COL22A1: variants seen among roughly 807,000 people sequenced by gnomAD.
COL22A1 encodes the protein collagen alpha-1(XXII) chain.
In COL22A1, 221 loss-of-function variants were observed where a neutral mutation model predicts 248.9. The observed-to-expected ratio is 0.89, with a 90% confidence interval of 0.80 to 0.99. The LOEUF is 0.99. COL22A1 is among the 50% of genes least tolerant of loss of function. The pLI is 0.00. For synonymous variants in COL22A1, 891 were observed against 793.4 expected, an observed-to-expected ratio of 1.12 and a Z score of -2.07; for missense variants, 2,240 against 2,179.0, an observed-to-expected ratio of 1.03 and a Z score of -0.56.
chr8:138,743,035 G>A (rs1184453662), intron 22 of COL22A1, among the ~76,000 whole-genome samples: 1 of 151,180 alleles, frequency 6.6e-6, no homozygotes. Context: ...TAGAGTTGAT[G>A]AGGGTGATGG....
chr8:138,820,948 T>C (rs1321500494), intron 7 of COL22A1, among the ~76,000 whole-genome samples, 188 bp downstream of exon 7: 3 of 152,168 alleles, frequency 2.0e-5, no homozygotes, highest in Admixed American at 6.5e-5. Flanking sequence ...AGTTAATACA[T>C]GGGTGATGGT....
chr8:138,766,587 CA>C (rs1430397750), intron 16 of COL22A1, among the ~76,000 whole-genome samples: 3 of 151,696 alleles, frequency 2.0e-5, no homozygotes, highest in Non-Finnish European at 4.4e-5. Context: ...GACAGATAGA[CA>C]GGAGAGAGAT....
At chr8:138,597,104 T>A (rs1817608035) in intron 61 of COL22A1, 134 bp from the exon 62 acceptor site, 1 of 672,248 alleles carries the variant, frequency 1.5e-6, no homozygotes, top group Non-Finnish European at 2.6e-6. Context: ...CCTAGCCCAA[T>A]CTTTTCCACA....
chr8:138,685,323 A>C lies in COL22A1; in HGVS notation c.2863-11T>G. On this transcript the variant is annotated splice_polypyrimidine_tract_variant and intron_variant, in intron 37 of 64. Transcript: ENST00000303045. ...TTCCCCCGCTGCACCCTGGAAAGAAAAGTAGACATTTCCCAGGGTCAATTA... is the reference window on the plus strand; with the variant it reads ...TTCCCCCGCTGCACCCTGGAAAGAACAGTAGACATTTCCCAGGGTCAATTA... 6.2e-7 allele frequency: 1 copy of C among 1,609,380 alleles called. No homozygotes were observed.
intron 23 of COL22A1, among the ~76,000 whole-genome samples, chr8:138,732,115 A>C (rs114599610): frequency 1.5e-4 from 23 of 152,308 alleles, no homozygotes; most frequent in African/African-American, 4.8e-4. Context: ...GTTTTCTAGG[A>C]CTAGAAAGCC....
chr8:138,601,645 T>C (rs976061794), intron 60 of COL22A1, among the ~76,000 whole-genome samples: 2 of 151,984 alleles, frequency 1.3e-5, no homozygotes, highest in African/African-American at 4.8e-5. Context: ...TTTGGAGAAA[T>C]GAAATGTAAA....
chr8:138,592,128 A>G (rs1278609585), intron 63 of COL22A1, among the ~76,000 whole-genome samples: 2 of 152,240 alleles, frequency 1.3e-5, no homozygotes. Flanking sequence ...GGCAAGAAGA[A>G]CATTCTAGTA....
chr8:138,619,625 C>A, intron 52 of COL22A1, 117 bp from the exon 53 acceptor site: 1 of 909,732 alleles, frequency 1.1e-6, no homozygotes, highest in Non-Finnish European at 1.8e-6. Flanking sequence ...TCCACCCTGT[C>A]AGCCCTTTCC....
chr8:138,718,130 A>G (rs973455463), intron 27 of COL22A1, among the ~76,000 whole-genome samples: 1 of 152,042 alleles, frequency 6.6e-6, no homozygotes, highest in Non-Finnish European at 1.5e-5. Context: ...ACAAAAAAAA[A>G]AGAAGTAATT....
At chr8:138,704,372 C>T (rs1586511537) in intron 30 of COL22A1, among the ~76,000 whole-genome samples, 1 of 152,340 alleles carries the variant, frequency 6.6e-6, no homozygotes, top group East Asian at 1.9e-4. Flanking sequence ...GGAGACACCT[C>T]CCAGTAGGGG....
chr8:138,743,145 TGATGGTGATGGTGGTAGTGATCAC>T (rs1485956660), intron 22 of COL22A1, among the ~76,000 whole-genome samples: 1 of 151,052 alleles, frequency 6.6e-6, no homozygotes, highest in African/African-American at 2.4e-5. Flanking sequence ...ATGGTGGAGT[TGATGGTGATGGTGGTAGTGATCAC>T]GATGGTGATG....
At chr8:138,847,349 G>A (rs1255892619) in intron 3 of COL22A1, among the ~76,000 whole-genome samples, 1 of 152,212 alleles carries the variant, frequency 6.6e-6, no homozygotes, top group African/African-American at 2.4e-5. Flanking sequence ...AGTATTTCAT[G>A]GGCCCTTGAG....
chr8:138,675,712 G>C (rs959399305), intron 41 of COL22A1, among the ~76,000 whole-genome samples: 1 of 152,180 alleles, frequency 6.6e-6, no homozygotes, highest in Non-Finnish European at 1.5e-5. Flanking sequence ...CTTCAAGGTT[G>C]TAAACTGGTC....
chr8:138,812,318 G>A (rs774533774), intron 8 of COL22A1, among the ~76,000 whole-genome samples: 47 of 152,194 alleles, frequency 3.1e-4, no homozygotes, highest in Non-Finnish European at 1.3e-4. Context: ...CGGGTGCGCT[G>A]GCTGAGTTGG....
intron 16 of COL22A1, among the ~76,000 whole-genome samples, chr8:138,764,185 G>A (rs1236287119): frequency 6.6e-6 from 1 of 152,158 alleles, no homozygotes; most frequent in Non-Finnish European, 1.5e-5. Context: ...GTGGGTGCCT[G>A]CCCACCAGTG....
In COL22A1 at chr8:138,751,521, G is replaced by A; in HGVS notation, c.2032-10C>T. 2 of 1,597,568 alleles carry A rather than the reference G, an allele frequency of 1.3e-6. No homozygotes were observed. Among genetic ancestry groups the A allele is most frequent in the Admixed American group, 1.7e-5 (1 of 57,786 alleles). On this transcript the variant is annotated splice_polypyrimidine_tract_variant and intron_variant, in intron 21 of 64. Transcript: ENST00000303045. ...CTGGGCCTATTGGACCCTTTAGGAGGGAGAAAAAGGAAAAAGAGAGAGAAA... is the reference window on the plus strand; with the variant it reads ...CTGGGCCTATTGGACCCTTTAGGAGAGAGAAAAAGGAAAAAGAGAGAGAAA...
intron 7 of COL22A1, among the ~76,000 whole-genome samples, chr8:138,820,816 T>A (rs1259344246): frequency 6.6e-6 from 1 of 152,218 alleles, no homozygotes; most frequent in Non-Finnish European, 1.5e-5. Flanking sequence ...GCCAGATCCA[T>A]GTCAGTCTTG....
In COL22A1 at chr8:138,720,722, A is replaced by T. The variant is rs751842761; in HGVS notation, c.2355+17T>A. ...CAGAATAGCAAGCATAATGGGAAAA[A>T]GAGGCAAAGTCCATACCCGAAGGCC... On this transcript the variant is annotated intron_variant, in intron 27 of 64. Coordinates refer to ENST00000303045, the MANE Select transcript of COL22A1 (RefSeq NM_152888.3). 42 of 1,608,264 alleles carry T rather than the reference A, an allele frequency of 2.6e-5. No homozygotes were observed. The highest frequency in any genetic ancestry group is 3.5e-5 in the Non-Finnish European group (41 of 1,174,826).
intron 18 of COL22A1, 81 bp downstream of exon 18, chr8:138,760,162 G>A (rs910722731): frequency 1.6e-6 from 2 of 1,250,600 alleles, no homozygotes; most frequent in Non-Finnish European, 2.2e-6. Flanking sequence ...CCCCTTCCCT[G>A]AGCCTGGTTT....
Sources: gnomAD v4.1 joint callset for allele counts (sites outside exome capture counted in the v4.1 genomes callset) on GRCh38, gnomAD v4.1.1 for gene constraint, MANE v1.5 for transcripts, NCBI Gene and HGNC (gene_info 2026-07-23, HGNC 2026-07-21) for gene names.